The following CENPU variants were observed in gnomAD, a reference collection of about 807,000 sequenced individuals.
CENPU encodes KSHV latent nuclear antigen interacting protein 1.
Under a neutral mutation model 56.7 loss-of-function variants are expected in CENPU, and 46 were observed. The ratio of observed to expected loss-of-function variants is 0.81; its 90% CI spans 0.64 to 1.04. The LOEUF (loss-of-function observed/expected upper bound fraction) is 1.04, where lower values mean the gene tolerates loss of function less well. CENPU is among the 50% of genes least tolerant of loss of function. The pLI is 0.00. For missense variants in CENPU, 510 were observed against 490.1 expected (o/e 1.04, Z -0.38); for synonymous variants, 166 against 163.0 (o/e 1.02, Z -0.14).
intron 1 of CENPU, chr4:184,733,492 C>G (rs1039411359): frequency 2.3e-6 from 2 of 869,070 alleles, no homozygotes; most frequent in African/African-American, 3.6e-5. Flanking sequence ...ACCAAACGCT[C>G]GCTTTCTTTG....
At chr4:184,716,234 C>G (rs1421582751) in intron 6 of CENPU, among the ~76,000 whole-genome samples, 163 bp downstream of exon 6, 1 of 152,142 alleles carries the variant, frequency 6.6e-6, no homozygotes. Flanking sequence ...CTCGCCCGGC[C>G]ATACCATCTA....
Position 184,694,233 on chromosome 4 carries a change from A to G in CENPU, c.*1055T>C, listed in dbSNP as rs1449475986. ...AGCTGGACTGTCCACTTGTTAAAAAATTAAATCCACCCTTGCTCTTCCGTC... is the reference window on the plus strand; with the variant it reads ...AGCTGGACTGTCCACTTGTTAAAAAGTTAAATCCACCCTTGCTCTTCCGTC... On this transcript the variant is annotated 3_prime_UTR_variant, in exon 13 of 13. Coordinates refer to ENST00000281453, the MANE Select transcript of CENPU (RefSeq NM_024629.4). The G allele has an allele frequency of 9.0e-7, 1 of 1,107,014 alleles. No homozygotes were observed. Among genetic ancestry groups the G allele is most frequent in the Non-Finnish European group, 1.1e-6 (1 of 906,026 alleles). 68.6% of individuals were successfully genotyped at this position (1,107,014 alleles called of 1,614,324 possible). A position where few individuals can be genotyped will look rare whatever the true frequency, so the allele number is the denominator to read the frequency against.
Position 184,695,781 on chromosome 4 carries a change from A to T in CENPU, c.1144-380T>A, listed in dbSNP as rs548174142. Among the ~76,000 whole-genome samples the T allele has an allele frequency of 2.0e-5, 3 of 152,308 alleles. No homozygotes were observed. The South Asian group carries it at 6.2e-4, about 32-fold the overall frequency. On this transcript the variant is annotated intron_variant, in intron 12 of 12. Transcript: ENST00000281453. ...ATATCATGTCTATTTTAAAACACAG[A>T]AAACTGTAAGACAGGTTTTACTTTA...
At chr4:184,712,834 T>C (rs1024902212) in intron 7 of CENPU, 110 bp downstream of exon 7, 10 of 728,764 alleles carry the variant, frequency 1.4e-5, no homozygotes, top group East Asian at 8.2e-5. Flanking sequence ...TTTTTAAAAG[T>C]GGCAATTTTA....
In CENPU at chr4:184,694,942, T is replaced by G; in HGVS notation, c.*346A>C. The stretch of plus-strand genomic sequence containing the variant: ...TAAACCAATTTCATTAAAAATTAGC[T>G]TTGGTGTAAATTCAGGAGAAATCGC... On this transcript the variant is annotated 3_prime_UTR_variant, in exon 13 of 13. Coordinates refer to ENST00000281453, the MANE Select transcript of CENPU (RefSeq NM_024629.4). 1.6e-6 allele frequency: 1 copy of G among 611,648 alleles called. No homozygotes were observed. Among genetic ancestry groups the G allele is most frequent in the Non-Finnish European group, 2.8e-6 (1 of 360,650 alleles). The allele number at this position is 611,648 out of a possible 1,614,324, so 37.9% of individuals were successfully genotyped here. A position where few individuals can be genotyped will look rare whatever the true frequency, so the allele number is the denominator to read the frequency against.
At chr4:184,715,898 G>T (rs1339582895) in intron 6 of CENPU, among the ~76,000 whole-genome samples, 2 of 151,208 alleles carry the variant, frequency 1.3e-5, no homozygotes, top group African/African-American at 4.9e-5. Context: ...AATTACAGAT[G>T]ATTTTATCTT....
At chr4:184,697,973 T>C in intron 11 of CENPU, 170 bp from the exon 12 acceptor site, 1 of 554,950 alleles carries the variant, frequency 1.8e-6, no homozygotes, top group South Asian at 2.5e-5. Flanking sequence ...GTTTAAAATG[T>C]AGGAAAAAAA....
At chr4:184,705,168 C>A (rs567879013) in intron 8 of CENPU, among the ~76,000 whole-genome samples, 1 of 152,240 alleles carries the variant, frequency 6.6e-6, no homozygotes, top group South Asian at 2.1e-4. Flanking sequence ...AAACTGGAAA[C>A]AACCCAAATT....
intron 8 of CENPU, among the ~76,000 whole-genome samples, chr4:184,709,589 G>A (rs1760853294): frequency 6.6e-6 from 1 of 151,926 alleles, no homozygotes; most frequent in African/African-American, 2.4e-5. Flanking sequence ...GAATAGAGTG[G>A]GTGACCAACT....
At chr4:184,697,142 G>A (rs1032078835) in intron 12 of CENPU, among the ~76,000 whole-genome samples, 8 of 151,982 alleles carry the variant, frequency 5.3e-5, no homozygotes, top group Non-Finnish European at 8.8e-5. Context: ...TCAGCCTCCC[G>A]AAGTGCTATG....
chr4:184,703,761 CAA>C (rs1304242670), intron 8 of CENPU, among the ~76,000 whole-genome samples: 3 of 152,162 alleles, frequency 2.0e-5, no homozygotes, highest in African/African-American at 7.2e-5. Flanking sequence ...GGGAACAACT[CAA>C]GTGTCCATTG....
chr4:184,719,177 C>T (rs1473974496), intron 4 of CENPU, among the ~76,000 whole-genome samples: 1 of 152,170 alleles, frequency 6.6e-6, no homozygotes, highest in African/African-American at 2.4e-5. Flanking sequence ...AAGGGAACAC[C>T]TTCACAGGAA....
chr4:184,731,068 A>G, intron 1 of CENPU, 100 bp from the exon 2 acceptor site: 4 of 728,254 alleles, frequency 5.5e-6, no homozygotes. Flanking sequence ...CCAAAAAAAA[A>G]AACAAGAACC....
chr4:184,732,628 A>G (rs1306493367), intron 1 of CENPU, among the ~76,000 whole-genome samples: 1 of 152,112 alleles, frequency 6.6e-6, no homozygotes, highest in Admixed American at 6.5e-5. Context: ...TGGGGGGGAA[A>G]AAAAGTCAAG....
In CENPU at chr4:184,694,607, C is replaced by G; in HGVS notation, c.*681G>C. On this transcript the variant is annotated 3_prime_UTR_variant, in exon 13 of 13. Transcript: ENST00000281453. ...CATAAACCATCACCTAGCAGGCTGT[C>G]AACAGGTGCATCTGCTGATGCTGTC... 6.2e-7 allele frequency: 1 copy of G among 1,614,164 alleles called. No homozygotes were observed. The highest frequency in any genetic ancestry group is 8.5e-7 in the Non-Finnish European group (1 of 1,180,002).
chr4:184,729,070 T>C (rs770892002), intron 2 of CENPU, 35 bp from the exon 3 acceptor site: 2 of 1,485,658 alleles, frequency 1.3e-6, no homozygotes, highest in Admixed American at 3.4e-5. Context: ...TTGAGTTGGC[T>C]CTCACAAAGA....
At chr4:184,733,827 G>A (rs968452007) in intron 1 of CENPU, among the ~76,000 whole-genome samples, 189 bp downstream of exon 1, 3 of 152,194 alleles carry the variant, frequency 2.0e-5, no homozygotes, top group African/African-American at 7.2e-5. Flanking sequence ...GGCCCCGACA[G>A]GCCCGTGCAG....
In CENPU at chr4:184,697,528, G is replaced by T. The variant is rs991961540; in HGVS notation, c.1143+119C>A. On this transcript the variant is annotated intron_variant, in intron 12 of 12. Coordinates refer to ENST00000281453, the MANE Select transcript of CENPU (RefSeq NM_024629.4). ...CTGGCTTATAGTGATACTATTTTAG[G>T]TGGACTCTGTAATTCTGTATCTGCA... The T allele has an allele frequency of 4.0e-5, 36 of 910,848 alleles. 1 individual carries two copies. The South Asian group carries it at 5.2e-4, about 13-fold the overall frequency. The allele number at this position is 910,848 out of a possible 1,614,324, so 56.4% of individuals were successfully genotyped here.
intron 11 of CENPU, chr4:184,699,479 G>C: frequency 1.0e-6 from 1 of 985,310 alleles, no homozygotes; most frequent in South Asian, 1.3e-5. Context: ...GAAGCGTTTA[G>C]GAAAGTGCCC....
Sources: allele counts gnomAD v4.1 joint callset (sites outside exome capture counted in the v4.1 genomes callset), GRCh38; gene constraint gnomAD v4.1.1; transcripts MANE v1.5; gene names NCBI Gene and HGNC (gene_info 2026-07-23, HGNC 2026-07-21).